MAP10: variants seen among roughly 807,000 people sequenced by gnomAD.
The protein encoded by MAP10 is microtubule-associated protein 10.
MAP10 carries 10 observed loss-of-function variants against 6.3 expected under a neutral mutation model. The observed-to-expected ratio is 1.58, with a 90% CI of 0.98 to 2.69. The LOEUF (loss-of-function observed/expected upper bound fraction) is 2.69, where lower values mean the gene tolerates loss of function less well. Ranked by LOEUF, MAP10 falls within the 30% of genes most tolerant of loss-of-function variation. The pLI, the probability that MAP10 is intolerant of heterozygous loss-of-function variation, is 0.00. For synonymous variants in MAP10, 459 were observed against 429.3 expected (o/e 1.07, Z -0.86); for missense variants, 1,189 against 1,086.5 (o/e 1.09, Z -1.33).
chr1:232,805,910 G>A lies in MAP10; in HGVS notation c.461G>A (p.Cys154Tyr). Reference sequence around the variant, plus strand: ...GTCGTGGGGCCGGCCGCCTCCGGATGCTCCCACCGTCACCGGGGACGTTTC... The same window carrying A: ...GTCGTGGGGCCGGCCGCCTCCGGATACTCCCACCGTCACCGGGGACGTTTC... Reference protein sequence around the residue: ...HRVVGPAASGCSHRHRGRFPL... With the variant: ...HRVVGPAASGYSHRHRGRFPL... The change falls in exon 1 of 1, where the codon TGC becomes TAC. Residue 154 changes from cysteine to tyrosine, a missense_variant. By Grantham distance (194) the Cys-to-Tyr change is radical. Transcript: ENST00000418460. 3 of 1,608,000 alleles carry A rather than the reference G, an allele frequency of 1.9e-6. No individual in the cohort carries two copies. Among genetic ancestry groups the A allele is most frequent in the Non-Finnish European group, 2.5e-6 (3 of 1,177,656 alleles).
chr1:232,807,406 G>C lies in MAP10; in HGVS notation c.1957G>C (p.Asp653His). 6.2e-7 allele frequency: 1 copy of C among 1,613,852 alleles called. No individual in the cohort carries two copies. Among genetic ancestry groups the C allele is most frequent in the Non-Finnish European group, 8.5e-7 (1 of 1,179,816 alleles). The change falls in exon 1 of 1, where the codon GAT (aspartate) becomes CAT (histidine). Residue 653 changes from aspartate (D) to histidine (H), a missense_variant. By Grantham distance (81) the Asp-to-His change is moderately conservative (BLOSUM62 -1). Transcript: ENST00000418460. ...CCAAAGTCCATGTGTTTTCCAACAG[G>C]ATGCTGTTGTTGACAGAATTGTAGA... The part of the protein sequence containing the change: ...KIQSPCVFQQ[D>H]AVVDRIVDKE...
At chr1:232,807,124 GAAGAT>G in the MAP10 span, 2 of 1,611,846 alleles carry the variant, frequency 1.2e-6, no homozygotes, top group Non-Finnish European at 1.7e-6. Flanking sequence ...ACAACTGCCT[GAAGAT>G]AAGTATTTAG....
At position 232,806,351 on chromosome 1, in the gene MAP10, C is replaced by G. The variant is rs372138834; in HGVS notation, c.902C>G (p.Pro301Arg). The G allele has an allele frequency of 4.6e-5, 75 of 1,613,770 alleles. No homozygotes were observed. The highest frequency in any genetic ancestry group is 6.1e-5 in the Non-Finnish European group (72 of 1,179,892). ...GACATGGAGACCAATATATTTTGCC[C>G]TCCTCCTTTGTATTACACTAACTTG... Reference protein sequence around the residue: ...ELDMETNIFCPPPLYYTNLTQ... With the variant: ...ELDMETNIFCRPPLYYTNLTQ... The change falls in exon 1 of 1, where the codon CCT becomes CGT. Residue 301 changes from proline (P) to arginine (R), a missense_variant. Transcript: ENST00000418460.
chr1:232,806,984 C>A lies in MAP10; in HGVS notation c.1535C>A (p.Pro512His), dbSNP rs369621526. ...AGACTACGTTTAAAGCTGACAAATC[C>A]TGATATGTTGGTGGTACATGAAAAA... ...TLRLRLKLTN[P>H]DMLVVHEKRE... Residue 512 changes from proline (P) to histidine (H), a missense_variant, in exon 1 of 1, where the codon CCT (proline) becomes CAT (histidine). Coordinates refer to ENST00000418460, the MANE Select transcript of MAP10 (RefSeq NM_019090.3). 34 of 1,612,768 alleles carry A rather than the reference C, an allele frequency of 2.1e-5. No homozygotes were observed. Among genetic ancestry groups the A allele is most frequent in the Non-Finnish European group, 1.3e-5 (15 of 1,179,608 alleles).
Position 232,806,452 on chromosome 1 carries a change from G to A in MAP10, c.1003G>A (p.Asp335Asn). The A allele has an allele frequency of 6.2e-7, 1 of 1,613,858 alleles. No homozygotes were observed. Among genetic ancestry groups the A allele is most frequent in the Non-Finnish European group, 8.5e-7 (1 of 1,179,884 alleles). The change falls in exon 1 of 1, where the codon GAT becomes AAT. Residue 335 changes from aspartate to asparagine, a missense_variant. Coordinates refer to ENST00000418460, the MANE Select transcript of MAP10 (RefSeq NM_019090.3). ...PQMNAPEEMD[D>N]ASPEKKRVNP... ...AATGAATGCACCTGAGGAAATGGAT[G>A]ATGCTTCTCCTGAAAAAAAGCGTGT... is the stretch of plus-strand genomic sequence containing the variant.
the MAP10 span, chr1:232,807,942 TAAAAC>T: frequency 1.6e-5 from 26 of 1,612,982 alleles, no homozygotes; most frequent in South Asian, 4.4e-5. Context: ...ACATCTCTGT[TAAAAC>T]AAGAAGTAGT....
At position 232,806,562 on chromosome 1, in the gene MAP10, T is replaced by C; in HGVS notation, c.1113T>C (p.His371=). Residue 371 remains histidine (H), a synonymous_variant, in exon 1 of 1, where the codon CAT becomes CAC. Transcript: ENST00000418460. ...CTCCAATGCTTGTAAATCCTCCACA[T>C]ATTCAGAATATAGGAGCAACTAATC... ...EHPPMLVNPP[H]IQNIGATNQT... The C allele has an allele frequency of 1.2e-6, 2 of 1,613,928 alleles. No individual in the cohort carries two copies. The highest frequency in any genetic ancestry group is 1.7e-6 in the Non-Finnish European group (2 of 1,179,842).
At position 232,806,811 on chromosome 1, in the gene MAP10, G is replaced by C; in HGVS notation, c.1362G>C (p.Val454=). The stretch of plus-strand genomic sequence containing the variant: ...AAGCCAAGAAGGATAAGCGTTCTGT[G>C]GGGGGATGTGAAAAGTCAGTGAGTC... ...RSEAKKDKRS[V]GGCEKSVSLQ... is the part of the protein sequence containing the mutation. The change falls in exon 1 of 1, where the codon GTG becomes GTC. Residue 454 remains valine (V), a synonymous_variant. Coordinates refer to ENST00000418460, the MANE Select transcript of MAP10 (RefSeq NM_019090.3). 1.2e-6 allele frequency: 2 copies of C among 1,612,638 alleles called. No individual in the cohort carries two copies. Among genetic ancestry groups the C allele is most frequent in the Non-Finnish European group, 1.7e-6 (2 of 1,179,144 alleles).
At position 232,805,618 on chromosome 1, in the gene MAP10, G is replaced by A; in HGVS notation, c.169G>A (p.Val57Met). ...ASSPRGLCPAVAFRLLDFPTL... is the reference protein window; with the variant it reads ...ASSPRGLCPAMAFRLLDFPTL... ...GTCGCCGCGCGGTCTGTGCCCCGCC[G>A]TGGCCTTCCGCCTGCTGGACTTCCC... The change falls in exon 1 of 1, where the codon GTG becomes ATG. Residue 57 changes from valine (V) to methionine (M), a missense_variant. Val to Met is a conservative substitution (Grantham distance 21). Transcript: ENST00000418460. 6.4e-6 allele frequency: 10 copies of A among 1,567,832 alleles called. No individual in the cohort carries two copies. The highest frequency in any genetic ancestry group is 8.6e-6 in the Non-Finnish European group (10 of 1,159,618).
In MAP10 at chr1:232,805,758, C is replaced by G. The variant is rs751492439; in HGVS notation, c.309C>G (p.Thr103=). 6.2e-7 allele frequency: 1 copy of G among 1,603,408 alleles called. No homozygotes were observed. The highest frequency in any genetic ancestry group is 8.5e-7 in the Non-Finnish European group (1 of 1,177,156). Reference sequence around the variant, plus strand: ...GCCTCTTCCGCCTGCAGCCTGCTACCCTGCACTGCCGGCTCCTGCGGACCC... The same window carrying G: ...GCCTCTTCCGCCTGCAGCCTGCTACGCTGCACTGCCGGCTCCTGCGGACCC... ...KSCLFRLQPA[T]LHCRLLRTPL... Residue 103 remains threonine (T), a synonymous_variant, in exon 1 of 1, where the codon ACC becomes ACG. Transcript: ENST00000418460.
At position 232,807,601 on chromosome 1, in the gene MAP10, G is replaced by A; in HGVS notation, c.2152G>A (p.Asp718Asn). ...CYSEDFCTSE[D>N]TSRSFKAHDS... ...TTCTGAAGATTTCTGTACCAGTGAG[G>A]ACACCAGCAGAAGTTTCAAAGCTCA... Residue 718 changes from aspartate (D) to asparagine (N), a missense_variant, in exon 1 of 1, where the codon GAC becomes AAC. Physicochemically the swap from Asp to Asn is conservative, Grantham distance 23 (BLOSUM62 1). Transcript: ENST00000418460. 6.2e-7 allele frequency: 1 copy of A among 1,609,882 alleles called. No individual in the cohort carries two copies. The highest frequency in any genetic ancestry group is 1.1e-5 in the South Asian group (1 of 90,630).
Position 232,806,583 on chromosome 1 carries a change from T to C in MAP10, c.1134T>C (p.Thr378=), listed in dbSNP as rs761556946. 1.2e-6 allele frequency: 2 copies of C among 1,613,936 alleles called. No individual in the cohort carries two copies. The highest frequency in any genetic ancestry group is 4.5e-5 in the East Asian group (2 of 44,884). ...NPPHIQNIGA[T]NQTCQTEQNR... ...CACATATTCAGAATATAGGAGCAACTAATCAAACATGTCAAACTGAACAAA... is the reference window on the plus strand; with the variant it reads ...CACATATTCAGAATATAGGAGCAACCAATCAAACATGTCAAACTGAACAAA... Residue 378 remains threonine (T), a synonymous_variant, in exon 1 of 1, where the codon ACT becomes ACC. Coordinates refer to ENST00000418460, the MANE Select transcript of MAP10 (RefSeq NM_019090.3).
chr1:232,808,223 A>T lies in MAP10; in HGVS notation c.*56A>T. The stretch of plus-strand genomic sequence containing the variant: ...CCTATGTGTACTGTTAGTGAAAAAA[A>T]TTTTAAAGCTGTTTTAGTTCATGAA... On this transcript the variant is annotated 3_prime_UTR_variant, in exon 1 of 1. Transcript: ENST00000418460. The T allele has an allele frequency of 8.7e-7, 1 of 1,144,130 alleles. No individual in the cohort carries two copies. The highest frequency in any genetic ancestry group is 1.2e-6 in the Non-Finnish European group (1 of 854,720). 70.9% of individuals were successfully genotyped at this position (1,144,130 alleles called of 1,614,324 possible). A position where few individuals can be genotyped will look rare whatever the true frequency, so the allele number is the denominator to read the frequency against.
Position 232,809,715 on chromosome 1 carries a change from G to T in MAP10, c.*1548G>T, listed in dbSNP as rs973859381. On this transcript the variant is annotated 3_prime_UTR_variant, in exon 1 of 1. Coordinates refer to ENST00000418460, the MANE Select transcript of MAP10 (RefSeq NM_019090.3). ...AATAATAAGCAGAGAAATTATATCA[G>T]TTAAAGTTTTGAGATATGAAAGGTT... 2.6e-4 allele frequency among the ~76,000 whole-genome samples: 39 copies of T among 152,128 alleles called. No homozygotes were observed. The highest frequency in any genetic ancestry group is 9.1e-4 in the African/African-American group (38 of 41,544).
chr1:232,808,151 C>T lies in MAP10; in HGVS notation c.2702C>T (p.Pro901Leu). Residue 901 changes from proline (P) to leucine (L), a missense_variant, in exon 1 of 1, where the codon CCA (proline) becomes CTA (leucine). Transcript: ENST00000418460. ...DICELVINKL[P>L]GYTM ...TGTGAATTAGTAATAAATAAACTTC[C>T]AGGATACACAATGTAAAAATACATG... 2.6e-6 allele frequency: 4 copies of T among 1,566,522 alleles called. No homozygotes were observed. The highest frequency in any genetic ancestry group is 2.6e-6 in the Non-Finnish European group (3 of 1,151,678).
chr1:232,808,042 C>A lies in MAP10; in HGVS notation c.2593C>A (p.Leu865Met). 6.2e-7 allele frequency: 1 copy of A among 1,613,118 alleles called. No homozygotes were observed. The highest frequency in any genetic ancestry group is 8.5e-7 in the Non-Finnish European group (1 of 1,179,300). ...TTCAAATGTGTCCGAACTTAATGTC[C>A]TGGATAGCAGTACATCAGATCACTT... ...LPSNVSELNV[L>M]DSSTSDHFEE... is the part of the protein sequence containing the mutation. The change falls in exon 1 of 1, where the codon CTG becomes ATG. Residue 865 changes from leucine (L) to methionine (M), a missense_variant. Transcript: ENST00000418460.
Position 232,809,579 on chromosome 1 carries a change from A to G in MAP10, c.*1412A>G, listed in dbSNP as rs1194182487. On this transcript the variant is annotated 3_prime_UTR_variant, in exon 1 of 1. Coordinates refer to ENST00000418460, the MANE Select transcript of MAP10 (RefSeq NM_019090.3). ...AAATGCCAGATTACAGAGAGCCTCA[A>G]ATGCTAAGTATAATAATAGAATTCT... 6.6e-6 allele frequency among the ~76,000 whole-genome samples: 1 copy of G among 152,088 alleles called. No homozygotes were observed. Among genetic ancestry groups the G allele is most frequent in the Non-Finnish European group, 1.5e-5 (1 of 67,916 alleles).
At position 232,807,422 on chromosome 1, in the gene MAP10, G is replaced by T; in HGVS notation, c.1973G>T (p.Arg658Ile). Residue 658 changes from arginine (R) to isoleucine (I), a missense_variant, in exon 1 of 1, where the codon AGA becomes ATA. Coordinates refer to ENST00000418460, the MANE Select transcript of MAP10 (RefSeq NM_019090.3). ...CVFQQDAVVD[R>I]IVDKEIDIRQ... ...TTCCAACAGGATGCTGTTGTTGACA[G>T]AATTGTAGATAAGGAAATAGATATT... The T allele has an allele frequency of 6.2e-7, 1 of 1,613,822 alleles. No individual in the cohort carries two copies. Among genetic ancestry groups the T allele is most frequent in the Non-Finnish European group, 8.5e-7 (1 of 1,179,820 alleles).
In MAP10 at chr1:232,807,534, C is replaced by A. The variant is rs1264450811; in HGVS notation, c.2085C>A (p.Ile695=). 1 of 1,613,528 alleles carries A rather than the reference C, an allele frequency of 6.2e-7. No individual in the cohort carries two copies. The highest frequency in any genetic ancestry group is 1.7e-5 in the Admixed American group (1 of 59,964). The part of the protein sequence containing the change: ...RTGKNSCYEN[I]SELKYSDDLS... Reference sequence around the variant, plus strand: ...GTAAAAATAGTTGCTATGAAAACATCTCAGAACTGAAGTATTCAGATGATT... The same window carrying A: ...GTAAAAATAGTTGCTATGAAAACATATCAGAACTGAAGTATTCAGATGATT... Residue 695 remains isoleucine (I), a synonymous_variant, in exon 1 of 1, where the codon ATC becomes ATA. Coordinates refer to ENST00000418460, the MANE Select transcript of MAP10 (RefSeq NM_019090.3).
Sources: gnomAD v4.1 joint callset for allele counts (sites outside exome capture counted in the v4.1 genomes callset) on GRCh38, gnomAD v4.1.1 for gene constraint, MANE v1.5 for transcripts, NCBI Gene and HGNC (gene_info 2026-07-23, HGNC 2026-07-21) for gene names.